The following FILIP1 variants were observed in gnomAD, a reference collection of about 807,000 sequenced individuals.
FILIP1 encodes the protein filamin A interacting protein 1.
A neutral mutation model predicts 102.1 loss-of-function variants in FILIP1; 61 were observed. The ratio of observed to expected loss-of-function variants is 0.60; its 90% CI spans 0.49 to 0.74. The LOEUF (loss-of-function observed/expected upper bound fraction) is 0.74. FILIP1 is among the 30% of genes least tolerant of loss of function. FILIP1 has a pLI of 0.00. For missense variants in FILIP1, 1,314 were observed against 1,441.2 expected, an observed-to-expected ratio of 0.91 and a Z score of 1.43; for synonymous variants, 491 against 526.9, an observed-to-expected ratio of 0.93 and a Z score of 0.93.
At chr6:75,440,962 A>AT (rs1778192199) in intron 1 of FILIP1, among the ~76,000 whole-genome samples, 1 of 150,514 alleles carries the variant, frequency 6.6e-6, no homozygotes, top group Non-Finnish European at 1.5e-5. Flanking sequence ...AAAAAAAAAA[A>AT]GGTATGACCG....
At chr6:75,476,405 A>G (rs1049719568) in intron 1 of FILIP1, among the ~76,000 whole-genome samples, 2 of 152,200 alleles carry the variant, frequency 1.3e-5, no homozygotes, top group Non-Finnish European at 1.5e-5. Context: ...CACAGAAAAC[A>G]TAAGAGATTA....
At chr6:75,492,588 A>G (rs890581335) in intron 1 of FILIP1, among the ~76,000 whole-genome samples, 4 of 152,200 alleles carry the variant, frequency 2.6e-5, no homozygotes, top group Admixed American at 2.6e-4. Flanking sequence ...ATAAAATTGC[A>G]TGGCAACTCA....
chr6:75,446,072 T>C (rs1195197983), intron 1 of FILIP1, among the ~76,000 whole-genome samples: 1 of 152,172 alleles, frequency 6.6e-6, no homozygotes, highest in African/African-American at 2.4e-5. Flanking sequence ...TTAAGAGATC[T>C]TGACTTATAA....
intron 1 of FILIP1, among the ~76,000 whole-genome samples, chr6:75,465,969 G>A (rs541866371): frequency 3.9e-5 from 6 of 152,062 alleles, no homozygotes; most frequent in East Asian, 1.9e-4. Flanking sequence ...GCCAGCCATC[G>A]CGCTGTTCCT....
At chr6:75,295,367 G>A (rs1272745582) in exon 7 of FILIP1, 1 of 152,154 alleles carries the variant, frequency 6.6e-6, no homozygotes, top group East Asian at 1.9e-4. Context: ...CCATAGCATT[G>A]TACAAGCAAT....
At chr6:75,399,689 G>A (rs777720058) in intron 2 of FILIP1, among the ~76,000 whole-genome samples, 5 of 152,192 alleles carry the variant, frequency 3.3e-5, no homozygotes, top group East Asian at 1.9e-4. Flanking sequence ...CTGGGCTTCC[G>A]TTCAGACCTC....
chr6:75,485,874 T>C (rs555792430), intron 1 of FILIP1, among the ~76,000 whole-genome samples: 10 of 152,056 alleles, frequency 6.6e-5, no homozygotes, highest in African/African-American at 2.2e-4. Flanking sequence ...GCTGCCAGAA[T>C]AGCAACTCAC....
intron 1 of FILIP1, among the ~76,000 whole-genome samples, chr6:75,468,109 T>A (rs1451397942): frequency 6.6e-6 from 1 of 152,186 alleles, no homozygotes; most frequent in East Asian, 1.9e-4. Context: ...AGCTAGTCTG[T>A]GACGCCAGGG....
chr6:75,422,669 C>T (rs1777505641), intron 1 of FILIP1, among the ~76,000 whole-genome samples: 1 of 152,150 alleles, frequency 6.6e-6, no homozygotes, highest in African/African-American at 2.4e-5. Context: ...ATAATAATAG[C>T]TGACATTAAC....
chr6:75,424,883 C>T (rs948332315), intron 1 of FILIP1, among the ~76,000 whole-genome samples: 2 of 152,128 alleles, frequency 1.3e-5, no homozygotes, highest in African/African-American at 2.4e-5. Flanking sequence ...GTGTTCTAAT[C>T]GCCTGTACAC....
intron 2 of FILIP1, among the ~76,000 whole-genome samples, chr6:75,374,810 AC>A (rs1394067096): frequency 6.6e-6 from 1 of 152,216 alleles, no homozygotes; most frequent in African/African-American, 2.4e-5. Context: ...GCTAGATGAG[AC>A]CCAGGACAAA....
At chr6:75,441,906 C>T (rs1382506147) in intron 1 of FILIP1, among the ~76,000 whole-genome samples, 1 of 149,982 alleles carries the variant, frequency 6.7e-6, no homozygotes, top group Admixed American at 6.6e-5. Context: ...ACCTCCCTCC[C>T]GGACGGGGCG....
chr6:75,346,886 A>G (rs977990176), intron 4 of FILIP1, among the ~76,000 whole-genome samples: 6 of 152,336 alleles, frequency 3.9e-5, no homozygotes, highest in African/African-American at 1.4e-4. Flanking sequence ...ACTATAGAAC[A>G]TACTCCAGCT....
chr6:75,303,517 C>T (rs1772899991), downstream of FILIP1, among the ~76,000 whole-genome samples: 1 of 152,156 alleles, frequency 6.6e-6, no homozygotes, highest in South Asian at 2.1e-4. Flanking sequence ...CCTAACTCTG[C>T]CCTTGCCCTT....
intron 6 of FILIP1, among the ~76,000 whole-genome samples, chr6:75,302,921 A>G (rs1032838544): frequency 2.4e-4 from 37 of 152,288 alleles, no homozygotes; most frequent in African/African-American, 8.4e-4. Context: ...TGAATCCTAG[A>G]GTTTTGAGGC....
At chr6:75,392,250 G>T (rs904623724) in intron 2 of FILIP1, among the ~76,000 whole-genome samples, 4 of 151,978 alleles carry the variant, frequency 2.6e-5, no homozygotes, top group African/African-American at 7.3e-5. Flanking sequence ...GATTTTACTG[G>T]ATTTCAAGGA....
intron 1 of FILIP1, among the ~76,000 whole-genome samples, 161 bp downstream of exon 1, chr6:75,493,253 T>A (rs1043782413): frequency 2.0e-5 from 3 of 152,220 alleles, no homozygotes; most frequent in African/African-American, 7.2e-5. Context: ...TCTGACTTTT[T>A]AAAAATAATT....
At chr6:75,481,778 G>C (rs1195704211) in intron 1 of FILIP1, among the ~76,000 whole-genome samples, 1 of 152,172 alleles carries the variant, frequency 6.6e-6, no homozygotes, top group Non-Finnish European at 1.5e-5. Context: ...AGCAGACTGA[G>C]TGGACCTCAC....
At chr6:75,458,216 G>A (rs1244845842) in intron 1 of FILIP1, 1 of 152,128 alleles carries the variant, frequency 6.6e-6, no homozygotes, top group Non-Finnish European at 1.5e-5. Flanking sequence ...GTCAAAACTA[G>A]GAAGGACGCT....
Sources: gnomAD v4.1 joint callset for allele counts (sites outside exome capture counted in the v4.1 genomes callset) on GRCh38, gnomAD v4.1.1 for gene constraint, MANE v1.5 for transcripts, NCBI Gene and HGNC (gene_info 2026-07-23, HGNC 2026-07-21) for gene names.